Variants in CHD6 observed in about 807,000 individuals in gnomAD.
CHD6 encodes ATP-dependent chromatin remodeler CHD6.
Under a neutral mutation model 276.9 loss-of-function variants are expected in CHD6, and 50 were observed. The observed-to-expected ratio is 0.18, with a 90% CI of 0.14 to 0.23. The LOEUF is 0.23. CHD6 is among the 10% of genes least tolerant of loss of function. The pLI is 1.00. For missense variants in CHD6, 2,564 were observed against 3,365.8 expected, an observed-to-expected ratio of 0.76 and a Z score of 5.89; for synonymous variants, 1,173 against 1,229.3, an observed-to-expected ratio of 0.95 and a Z score of 0.96.
chr20:41,516,873 G>T (rs1037005164), intron 3 of CHD6, among the ~76,000 whole-genome samples: 1 of 152,120 alleles, frequency 6.6e-6, no homozygotes, highest in African/African-American at 2.4e-5. Flanking sequence ...GGAAGTCTCG[G>T]CAAGTGACAG....
chr20:41,439,915 A>T (rs1198983066), intron 26 of CHD6, 85 bp downstream of exon 26: 1 of 1,402,280 alleles, frequency 7.1e-7, no homozygotes, highest in Non-Finnish European at 1.0e-6. Flanking sequence ...TGAGGAAGAG[A>T]TAAAGAGTGC....
At chr20:41,533,005 G>A (rs2044726910) in intron 3 of CHD6, 45 bp downstream of exon 3, 11 of 1,535,756 alleles carry the variant, frequency 7.2e-6, no homozygotes, top group Non-Finnish European at 9.6e-6. Context: ...AAATCGTTCT[G>A]CACTGGCATA....
intron 1 of CHD6, among the ~76,000 whole-genome samples, chr20:41,555,043 C>G (rs2045203662): frequency 6.8e-6 from 1 of 148,134 alleles, no homozygotes; most frequent in Non-Finnish European, 1.5e-5. Flanking sequence ...GACGGGGCGG[C>G]TGGCCGGGTG....
chr20:41,536,659 A>G (rs1299053844), intron 2 of CHD6, among the ~76,000 whole-genome samples: 1 of 152,246 alleles, frequency 6.6e-6, no homozygotes, highest in East Asian at 1.9e-4. Context: ...CCTTGAAATA[A>G]TATGCTAAAA....
intron 3 of CHD6, among the ~76,000 whole-genome samples, chr20:41,518,456 G>A (rs2044304685): frequency 6.6e-6 from 1 of 150,490 alleles, no homozygotes; most frequent in South Asian, 2.1e-4. Flanking sequence ...AATGTTGAAA[G>A]GAGGGGGGAA....
In CHD6 at chr20:41,421,640, T is replaced by C; in HGVS notation, c.4995A>G (p.Val1665=). 1 of 1,613,802 alleles carries C rather than the reference T, an allele frequency of 6.2e-7. No individual in the cohort carries two copies. Among genetic ancestry groups the C allele is most frequent in the Non-Finnish European group, 8.5e-7 (1 of 1,179,792 alleles). The change falls in exon 31 of 37, where the codon GTA becomes GTG. Residue 1665 remains valine, a synonymous_variant. Coordinates refer to ENST00000373233, the MANE Select transcript of CHD6 (RefSeq NM_032221.5). ...LENEPENLVR[V]ESRDDHLSLP... The stretch of plus-strand genomic sequence containing the variant: ...GGCTGAGATGATCATCTCTGCTTTC[T>C]ACTCTCACTAGATTTTCAGGTTCAT...
chr20:41,559,749 C>T (rs779723100), intron 1 of CHD6, among the ~76,000 whole-genome samples: 1 of 152,140 alleles, frequency 6.6e-6, no homozygotes, highest in African/African-American at 2.4e-5. Flanking sequence ...AATCCAAGCC[C>T]TCCTCTTGAC....
intron 27 of CHD6, among the ~76,000 whole-genome samples, chr20:41,431,793 C>CTTTTTTTTTTTTTTTTTTTTTTTT (rs2047546842): frequency 1.3e-5 from 1 of 76,362 alleles, no homozygotes; most frequent in Non-Finnish European, 2.6e-5. Context: ...TTTTTTTTTG[C>CTTTTTTTTTTTTTTTTTTTTTTTT]TTCATATATC....
chr20:41,542,411 G>C (rs772446518), intron 2 of CHD6, among the ~76,000 whole-genome samples: 4 of 152,160 alleles, frequency 2.6e-5, no homozygotes, highest in Non-Finnish European at 4.4e-5. Context: ...GACTGTATTC[G>C]GCTGGGCGCA....
At chr20:41,511,607 C>A (rs1403400784) in intron 5 of CHD6, among the ~76,000 whole-genome samples, 1 of 152,134 alleles carries the variant, frequency 6.6e-6, no homozygotes, top group Non-Finnish European at 1.5e-5. Flanking sequence ...AAACTAAAAA[C>A]CTTAGGTGAT....
intron 27 of CHD6, among the ~76,000 whole-genome samples, chr20:41,432,316 C>T (rs973756071): frequency 1.3e-5 from 2 of 152,146 alleles, no homozygotes; most frequent in African/African-American, 4.8e-5. Context: ...CTCAACTCTA[C>T]CCATGGCAAC....
intron 17 of CHD6, among the ~76,000 whole-genome samples, chr20:41,466,203 A>AAAAAAC (rs2042916128): frequency 1.3e-5 from 2 of 152,224 alleles, no homozygotes; most frequent in African/African-American, 2.4e-5. Flanking sequence ...CTCCATCCCA[A>AAAAAAC]AAAAACAAAA....
At chr20:41,418,358 T>C (rs1009991960) in intron 31 of CHD6, among the ~76,000 whole-genome samples, 1 of 151,416 alleles carries the variant, frequency 6.6e-6, no homozygotes, top group Non-Finnish European at 1.5e-5. Context: ...TGTTAGAGAG[T>C]CTCTCGGAGG....
intron 1 of CHD6, among the ~76,000 whole-genome samples, chr20:41,586,709 G>GT (rs2045599089): frequency 1.3e-5 from 2 of 152,076 alleles, no homozygotes; most frequent in Non-Finnish European, 1.5e-5. Context: ...ATAATTCACC[G>GT]TATCAACAGA....
intron 1 of CHD6, among the ~76,000 whole-genome samples, chr20:41,564,777 T>C (rs991235568): frequency 3.9e-5 from 6 of 152,168 alleles, no homozygotes; most frequent in Admixed American, 2.6e-4. Flanking sequence ...GGGTGACCAA[T>C]AGGTGAAGAG....
Position 41,422,145 on chromosome 20 carries a change from C to G in CHD6, c.4556-66G>C, listed in dbSNP as rs541146653. Reference sequence around the variant, plus strand: ...CTCAGACACTCCCCGCCCACCTGAGCCCCTGCATCTTTGGTCTTGGAGTTT... The same window carrying G: ...CTCAGACACTCCCCGCCCACCTGAGGCCCTGCATCTTTGGTCTTGGAGTTT... On this transcript the variant is annotated intron_variant, in intron 30 of 36. Transcript: ENST00000373233. 7 of 1,499,430 alleles carry G rather than the reference C, an allele frequency of 4.7e-6. No homozygotes were observed. In the East Asian group the frequency reaches 1.4e-4, roughly 29 times the overall value. 92.9% of individuals were successfully genotyped at this position (1,499,430 alleles called of 1,614,324 possible). A position where few individuals can be genotyped will look rare whatever the true frequency, so the allele number is the denominator to read the frequency against.
Position 41,457,397 on chromosome 20 carries a change from C to T in CHD6, c.2696G>A (p.Ser899Asn), listed in dbSNP as rs1372108783. 1 of 1,613,906 alleles carries T rather than the reference C, an allele frequency of 6.2e-7. No homozygotes were observed. Among genetic ancestry groups the T allele is most frequent in the Non-Finnish European group, 8.5e-7 (1 of 1,179,922 alleles). The change falls in exon 18 of 37, where the codon AGC becomes AAC. Residue 899 changes from serine to asparagine, a missense_variant. By Grantham distance (46) the Ser-to-Asn change is conservative. Around this residue, in one of 7 missense-constraint regions of CHD6, gnomAD observed 457 missense variants for 889.0 expected, o/e 0.51. Transcript: ENST00000373233. ...AQARCHRIGQSKAVKVYRLIT... is the reference protein window; with the variant it reads ...AQARCHRIGQNKAVKVYRLIT... ...GAGGCGATACACCTTCACAGCTTTG[C>T]TCTGGCCTATGCGGTGACATCGGGC...
chr20:41,461,446 G>T (rs2145718916), intron 17 of CHD6, among the ~76,000 whole-genome samples: 1 of 152,220 alleles, frequency 6.6e-6, no homozygotes, highest in African/African-American at 2.4e-5. Flanking sequence ...TGAATCATGG[G>T]GGCTGGTCTT....
chr20:41,518,907 T>A (rs185872792), intron 3 of CHD6, among the ~76,000 whole-genome samples: 2 of 152,324 alleles, frequency 1.3e-5, no homozygotes, highest in Non-Finnish European at 2.9e-5. Context: ...ACTGAAGACA[T>A]TTCAATCTCC....
Sources: allele counts gnomAD v4.1 joint callset (sites outside exome capture counted in the v4.1 genomes callset), GRCh38; gene constraint gnomAD v4.1.1; regional missense constraint gnomAD v4.1.1; transcripts MANE v1.5; gene names NCBI Gene and HGNC (gene_info 2026-07-23, HGNC 2026-07-21).